Variants in FHIT observed in about 807,000 individuals in gnomAD.
FHIT encodes the protein bis(5'-adenosyl)-triphosphatase.
A neutral mutation model predicts 17.9 loss-of-function variants in FHIT; 19 were observed. The observed-to-expected ratio is 1.06, with a 90% confidence interval of 0.74 to 1.56. The LOEUF is 1.56. Among genes scored for constraint, FHIT ranks in the 40% most tolerant of loss-of-function variants. The pLI is 0.00. For missense variants in FHIT, 248 were observed against 189.2 expected, an observed-to-expected ratio of 1.31 and a Z score of -1.82; for synonymous variants, 81 against 69.7, an observed-to-expected ratio of 1.16 and a Z score of -0.81.
intron 5 of FHIT, among the ~76,000 whole-genome samples, chr3:60,068,893 T>A (rs1184701930): frequency 6.6e-6 from 1 of 152,150 alleles, no homozygotes; most frequent in Non-Finnish European, 1.5e-5. Context: ...ATAAAATACA[T>A]AAAACATATG....
chr3:60,492,463 A>C (rs1455907256), intron 5 of FHIT, among the ~76,000 whole-genome samples: 1 of 152,128 alleles, frequency 6.6e-6, no homozygotes, highest in Non-Finnish European at 1.5e-5. Context: ...TGGCTTCATA[A>C]ACTAGTAAAT....
rs115840157 is a variant in FHIT at position 60,234,176 on chromosome 3, C to G, written c.104-220024G>C. Among the ~76,000 whole-genome samples the G allele has an allele frequency of 6.7e-3, 1,020 of 152,248 alleles. 13 individuals are homozygous for G. The highest frequency in any genetic ancestry group is 0.023 in the African/African-American group (961 of 41,550). On this transcript the variant is annotated intron_variant, in intron 5 of 9. Transcript: ENST00000492590. Reference sequence around the variant, plus strand: ...GACACATTACACAAATCCTTTAAATCAGACCAGACAATTAAAGCTGTGTAC... The same window carrying G: ...GACACATTACACAAATCCTTTAAATGAGACCAGACAATTAAAGCTGTGTAC...
intron 2 of FHIT, among the ~76,000 whole-genome samples, chr3:61,147,915 C>G (rs1311547122): frequency 1.3e-5 from 2 of 151,810 alleles, no homozygotes; most frequent in African/African-American, 4.8e-5. Context: ...GATAAATGTT[C>G]TAATGTGAAG....
chr3:60,780,432 C>T (rs918696507), intron 4 of FHIT, among the ~76,000 whole-genome samples: 6 of 152,118 alleles, frequency 3.9e-5, no homozygotes, highest in Admixed American at 3.3e-4. Context: ...TTTTGCCAGT[C>T]AGGCTTTTGG....
At chr3:61,189,290 C>T (rs1465803653) in intron 2 of FHIT, among the ~76,000 whole-genome samples, 1 of 152,136 alleles carries the variant, frequency 6.6e-6, no homozygotes, top group Non-Finnish European at 1.5e-5. Context: ...ACACCAATAA[C>T]AGACAAACAG....
intron 5 of FHIT, among the ~76,000 whole-genome samples, chr3:60,303,210 T>C (rs540905792): frequency 6.6e-6 from 1 of 152,278 alleles, no homozygotes; most frequent in African/African-American, 2.4e-5. Flanking sequence ...GAAGAAACTA[T>C]TTCTTTTCAC....
At chr3:59,762,396 T>C (rs1198936089) in intron 8 of FHIT, among the ~76,000 whole-genome samples, 1 of 152,140 alleles carries the variant, frequency 6.6e-6, no homozygotes, top group Non-Finnish European at 1.5e-5. Context: ...CCCAATATAC[T>C]GGCTATGCTA....
chr3:60,851,781 T>A (rs1478783384), intron 3 of FHIT, among the ~76,000 whole-genome samples: 1 of 152,160 alleles, frequency 6.6e-6, no homozygotes, highest in Non-Finnish European at 1.5e-5. Flanking sequence ...AGAATTGCCT[T>A]ACAAGTTCAA....
At chr3:60,581,188 T>C (rs2037738251) in intron 4 of FHIT, among the ~76,000 whole-genome samples, 1 of 152,122 alleles carries the variant, frequency 6.6e-6, no homozygotes, top group South Asian at 2.1e-4. Context: ...ATGCCAAGAA[T>C]ACTGACAAGC....
intron 7 of FHIT, among the ~76,000 whole-genome samples, chr3:59,960,258 T>C (rs939570982): frequency 1.1e-4 from 16 of 152,298 alleles, no homozygotes; most frequent in African/African-American, 3.4e-4. Flanking sequence ...TCAGAGACAC[T>C]TGGTAGCTTT....
intron 3 of FHIT, among the ~76,000 whole-genome samples, chr3:61,006,967 T>C (rs2031492594): frequency 6.6e-6 from 1 of 152,212 alleles, no homozygotes; most frequent in African/African-American, 2.4e-5. Context: ...GTTTGAGATA[T>C]AAAATGTTTT....
chr3:59,824,369 C>T (rs778020768), intron 8 of FHIT, among the ~76,000 whole-genome samples: 2 of 152,254 alleles, frequency 1.3e-5, no homozygotes, highest in Non-Finnish European at 2.9e-5. Flanking sequence ...CTTACATGCA[C>T]TGGCTTGGCA....
chr3:60,917,514 A>C (rs1216899412), intron 3 of FHIT, among the ~76,000 whole-genome samples: 1 of 152,218 alleles, frequency 6.6e-6, no homozygotes, highest in African/African-American at 2.4e-5. Context: ...ATGGCTGGCA[A>C]GGCCACATAT....
At position 59,748,468 on chromosome 3, in the gene FHIT, A is replaced by G. The variant is rs1376384416; in HGVS notation, c.*1117T>C. Among the ~76,000 whole-genome samples the G allele has an allele frequency of 6.6e-6, 1 of 152,066 alleles. No individual in the cohort carries two copies. Among genetic ancestry groups the G allele is most frequent in the Non-Finnish European group, 1.5e-5 (1 of 67,998 alleles). ...AAGTTGGTTGGGGAAATCCAGGCCC[A>G]TTTTGGTTTCTGCTACCTGGCTGTA... On this transcript the variant is annotated 3_prime_UTR_variant, in exon 10 of 10. Coordinates refer to ENST00000492590, the MANE Select transcript of FHIT (RefSeq NM_002012.4).
intron 3 of FHIT, among the ~76,000 whole-genome samples, chr3:60,880,074 A>G (rs1559796908): frequency 6.6e-6 from 1 of 152,190 alleles, no homozygotes; most frequent in Non-Finnish European, 1.5e-5. Context: ...CCTGATGCAC[A>G]TTATAGTTCA....
intron 2 of FHIT, among the ~76,000 whole-genome samples, chr3:61,082,572 G>A (rs2035174172): frequency 6.6e-6 from 1 of 152,130 alleles, no homozygotes; most frequent in African/African-American, 2.4e-5. Context: ...TCTAGTAGAA[G>A]TGAAAGGTCA....
chr3:60,967,251 T>C (rs1709789330), intron 3 of FHIT, among the ~76,000 whole-genome samples: 1 of 152,200 alleles, frequency 6.6e-6, no homozygotes, highest in African/African-American at 2.4e-5. Context: ...TGTATGAACG[T>C]TGCTCTGGGA....
At chr3:60,714,429 G>T (rs1553706113) in intron 4 of FHIT, among the ~76,000 whole-genome samples, 1 of 152,058 alleles carries the variant, frequency 6.6e-6, no homozygotes, top group Non-Finnish European at 1.5e-5. Flanking sequence ...GGAAGTTCTG[G>T]CCAGGGCAAT....
intron 5 of FHIT, among the ~76,000 whole-genome samples, chr3:60,521,412 T>C (rs942307212): frequency 6.6e-6 from 1 of 151,990 alleles, no homozygotes; most frequent in Non-Finnish European, 1.5e-5. Context: ...CACACCCAGC[T>C]AATTTTTTGT....
Sources: gnomAD v4.1 joint callset for allele counts (sites outside exome capture counted in the v4.1 genomes callset) on GRCh38, gnomAD v4.1.1 for gene constraint, MANE v1.5 for transcripts, NCBI Gene and HGNC (gene_info 2026-07-23, HGNC 2026-07-21) for gene names.